Variants in MORF4L1 observed in about 807,000 individuals in gnomAD.
MORF4L1 encodes mortality factor 4 like 1.
Under a neutral mutation model 52.9 loss-of-function variants are expected in MORF4L1, and 4 were observed. That is an observed-to-expected ratio of 0.08 (90% CI 0.04 to 0.17). The LOEUF (loss-of-function observed/expected upper bound fraction) is 0.17, where lower values mean the gene tolerates loss of function less well. Ranked by LOEUF, MORF4L1 falls within the 10% of genes least tolerant of loss-of-function variation. The pLI is 1.00. For synonymous variants in MORF4L1, 123 were observed against 134.8 expected (o/e 0.91, Z 0.61); for missense variants, 214 against 390.4 (o/e 0.55, Z 3.81).
intron 5 of MORF4L1, 154 bp downstream of exon 5, chr15:78,887,503 A>G (rs1185796833): frequency 5.4e-6 from 3 of 557,318 alleles, no homozygotes; most frequent in Non-Finnish European, 9.3e-6. Context: ...AAAGTAGTTT[A>G]AAATAACGTA....
intron 3 of MORF4L1, among the ~76,000 whole-genome samples, chr15:78,884,239 C>T (rs573909674): frequency 4.7e-5 from 7 of 150,448 alleles, no homozygotes; most frequent in South Asian, 2.1e-4. Context: ...TCTTGCCAGG[C>T]GCGATGGCTC....
chr15:78,891,804 T>A (rs1429228669), intron 7 of MORF4L1: 1 of 489,740 alleles, frequency 2.0e-6, no homozygotes, highest in East Asian at 3.3e-5. Flanking sequence ...CATGTTCACC[T>A]ACAAGACTAT....
At chr15:78,889,236 C>T (rs936909795) in intron 5 of MORF4L1, among the ~76,000 whole-genome samples, 3 of 152,274 alleles carry the variant, frequency 2.0e-5, no homozygotes, top group South Asian at 2.1e-4. Context: ...TCAGTCTAGA[C>T]GTTTGAAGCA....
intron 1 of MORF4L1, 45 bp downstream of exon 1, chr15:78,873,102 A>G: frequency 1.3e-6 from 2 of 1,546,722 alleles, no homozygotes; most frequent in South Asian, 1.2e-5. Flanking sequence ...GGCGCAGGAG[A>G]TAGAGGCGGG....
intron 3 of MORF4L1, among the ~76,000 whole-genome samples, chr15:78,884,782 C>T (rs754789062): frequency 1.3e-5 from 2 of 151,724 alleles, no homozygotes; most frequent in African/African-American, 4.8e-5. Context: ...TTGGAATTCT[C>T]TTAAACTTCA....
chr15:78,896,199 G>A (rs2056884629), intron 11 of MORF4L1, among the ~76,000 whole-genome samples: 1 of 151,852 alleles, frequency 6.6e-6, no homozygotes. Context: ...GGCTGATCTT[G>A]AACTCCTGGC....
intron 1 of MORF4L1, among the ~76,000 whole-genome samples, chr15:78,875,101 C>T (rs1245772487): frequency 6.6e-6 from 1 of 152,132 alleles, no homozygotes; most frequent in Non-Finnish European, 1.5e-5. Context: ...TAGAACGTGA[C>T]ATTTAAAGTG....
At chr15:78,878,378 C>T in intron 2 of MORF4L1, 119 bp downstream of exon 2, 2 of 725,608 alleles carry the variant, frequency 2.8e-6, no homozygotes, top group Non-Finnish European at 4.3e-6. Context: ...TTTTTAGGTT[C>T]GTAGTTAATA....
At position 78,892,283 on chromosome 15, in the gene MORF4L1, T is replaced by C; in HGVS notation, c.510T>C (p.Asp170=). 6.2e-7 allele frequency: 1 copy of C among 1,613,782 alleles called. No homozygotes were observed. Among genetic ancestry groups the C allele is most frequent in the Non-Finnish European group, 8.5e-7 (1 of 1,179,738 alleles). Residue 170 remains aspartate (D), a synonymous_variant, in exon 8 of 12, where the codon GAT becomes GAC. Coordinates refer to ENST00000426013, the MANE Select transcript of MORF4L1 (RefSeq NM_006791.4). ...AAGAGCTAAAACCGTGGCTTGTTGA[T>C]GACTGGGACTTAATTACCAGGCAAA... ...IPEELKPWLV[D]DWDLITRQKQ...
At chr15:78,876,407 T>G (rs553979132) in intron 1 of MORF4L1, 12 of 373,068 alleles carry the variant, frequency 3.2e-5, no homozygotes, top group Middle Eastern at 3.9e-4. Context: ...TGGAAATTCT[T>G]TTTTGTTTTG....
At chr15:78,873,731 T>TG (rs1472867954) in intron 1 of MORF4L1, 1 of 151,900 alleles carries the variant, frequency 6.6e-6, no homozygotes, top group Admixed American at 6.6e-5. Context: ...CACAGAGTGG[T>TG]GGGTGGGGAC....
chr15:78,895,994 T>C (rs1402254122), intron 11 of MORF4L1, among the ~76,000 whole-genome samples: 2 of 152,172 alleles, frequency 1.3e-5, no homozygotes, highest in Admixed American at 1.3e-4. Context: ...GTTTATTCAT[T>C]TAGAGATGGA....
intron 11 of MORF4L1, among the ~76,000 whole-genome samples, chr15:78,895,178 C>T (rs1014878226): frequency 1.3e-5 from 2 of 152,102 alleles, no homozygotes; most frequent in African/African-American, 4.8e-5. Context: ...CCACACTTGT[C>T]ATGTACCAAA....
In MORF4L1 at chr15:78,873,526, C is replaced by T. The variant is rs537916258; in HGVS notation, c.40+469C>T. Among the ~76,000 whole-genome samples, 4 of 151,944 alleles carry T rather than the reference C, an allele frequency of 2.6e-5. No homozygotes were observed. In the East Asian group the frequency reaches 5.8e-4, roughly 22 times the overall value. ...CCTGGAGCCCCGGGGTGGTTGCGTT[C>T]GGTGGCAACTCAGCTGCGGATGGGG... On this transcript the variant is annotated intron_variant, in intron 1 of 11. Coordinates refer to ENST00000426013, the MANE Select transcript of MORF4L1 (RefSeq NM_006791.4).
intron 7 of MORF4L1, among the ~76,000 whole-genome samples, chr15:78,891,964 C>A (rs986534945): frequency 1.3e-5 from 2 of 152,118 alleles, no homozygotes; most frequent in African/African-American, 4.8e-5. Context: ...ACAAGAGGAA[C>A]CTTACTGAAG....
chr15:78,876,560 G>A, intron 1 of MORF4L1: 1 of 455,916 alleles, frequency 2.2e-6, no homozygotes, highest in South Asian at 1.5e-5. Flanking sequence ...TTTTTTTCCG[G>A]CAGTAGCAGC....
chr15:78,896,304 T>C (rs1412272137), intron 11 of MORF4L1, among the ~76,000 whole-genome samples: 1 of 124,454 alleles, frequency 8.0e-6, no homozygotes, highest in Non-Finnish European at 1.6e-5. Flanking sequence ...TTTTCTTTTC[T>C]TTTCTTTTTT....
At chr15:78,894,510 C>T in intron 10 of MORF4L1, 1 of 370,236 alleles carries the variant, frequency 2.7e-6, no homozygotes, top group Non-Finnish European at 4.8e-6. Context: ...CTGGGTTCAA[C>T]AATTCTCCTG....
Position 78,898,080 on chromosome 15 carries a change from G to C in MORF4L1, c.*1013G>C, listed in dbSNP as rs1433579055. 1 of 152,056 alleles carries C rather than the reference G, an allele frequency of 6.6e-6. No individual in the cohort carries two copies. The highest frequency in any genetic ancestry group is 1.9e-4 in the East Asian group (1 of 5,202). The allele number at this position is 152,056 out of a possible 1,614,324, so 9.4% of individuals were successfully genotyped here. ...TTTTGTGGGTTTACTCTAGAAACAT[G>C]AGCCAAAAATGTCAATAGACAACAC... On this transcript the variant is annotated 3_prime_UTR_variant, in exon 12 of 12. Transcript: ENST00000426013.
Sources: allele counts gnomAD v4.1 joint callset (sites outside exome capture counted in the v4.1 genomes callset), GRCh38; gene constraint gnomAD v4.1.1; transcripts MANE v1.5; gene names NCBI Gene and HGNC (gene_info 2026-07-23, HGNC 2026-07-21).